BRAT1: variants seen among roughly 807,000 people sequenced by gnomAD.
BRAT1 encodes integrator complex assembly factor BRAT1.
Under a neutral mutation model 70.6 loss-of-function variants are expected in BRAT1, and 74 were observed. The observed-to-expected ratio is 1.05, with a 90% CI of 0.87 to 1.27. The LOEUF (loss-of-function observed/expected upper bound fraction) is 1.27. Ranked by LOEUF, BRAT1 falls within the 50% of genes most tolerant of loss-of-function variation. BRAT1 has a pLI of 0.00. For synonymous variants in BRAT1, 615 were observed against 517.1 expected, an observed-to-expected ratio of 1.19 and a Z score of -2.57; for missense variants, 1,203 against 1,098.2, an observed-to-expected ratio of 1.10 and a Z score of -1.35.
chr7:2,546,440 A>G (rs916377064), intron 3 of BRAT1, among the ~76,000 whole-genome samples: 8 of 151,440 alleles, frequency 5.3e-5, no homozygotes, highest in Non-Finnish European at 1.2e-4. Context: ...TCTAAAAAAC[A>G]AAACAAAAAA....
chr7:2,546,475 T>G (rs1370318652), intron 3 of BRAT1, among the ~76,000 whole-genome samples: 1 of 151,030 alleles, frequency 6.6e-6, no homozygotes, highest in Non-Finnish European at 1.5e-5. Flanking sequence ...GGCTCACGCC[T>G]GTAATCCTAG....
At position 2,543,697 on chromosome 7, in the gene BRAT1, C is replaced by T. The variant is rs1372864059; in HGVS notation, c.696G>A (p.Trp232Ter). The T allele has an allele frequency of 6.3e-7, 1 of 1,576,264 alleles. No individual in the cohort carries two copies. Among genetic ancestry groups the T allele is most frequent in the Non-Finnish European group, 8.7e-7 (1 of 1,155,370 alleles). Residue 232 changes from tryptophan to a stop codon, truncating the protein, a stop_gained, in exon 5 of 14, where the codon TGG becomes TGA. Transcript: ENST00000340611. LOFTEE classifies it high-confidence loss of function. This position sits in a 1 kb window ranked among gnomAD's most constrained non-coding sequence, Gnocchi z 5.5. Reference sequence around the variant, plus strand: ...TCAGCCGCACCCACAGGGCTTCCGTCCAGGGGCTCTGGCAGCGCCCGAAGG... The same window carrying T: ...TCAGCCGCACCCACAGGGCTTCCGTTCAGGGGCTCTGGCAGCGCCCGAAGG... The part of the protein sequence containing the change: ...TTTFGRCQSP[W>*]TEALWVRLSP...
In BRAT1 at chr7:2,537,975, GC is replaced by G; in HGVS notation, c.*93del. On this transcript the variant is annotated 3_prime_UTR_variant, in exon 14 of 14. Transcript: ENST00000340611. ...CTGGCTTCCCCAGAGGATCCACCGG[GC>G]TGGGCTGGAGCCCTGGGGCTGGCAG... The G allele has an allele frequency of 7.0e-7, 1 of 1,419,328 alleles. No individual in the cohort carries two copies. Among genetic ancestry groups the G allele is most frequent in the African/African-American group, 1.4e-5 (1 of 69,752 alleles). The allele number at this position is 1,419,328 out of a possible 1,614,324, so 87.9% of individuals were successfully genotyped here.
At chr7:2,538,816 C>G in intron 13 of BRAT1, 52 bp from the exon 14 acceptor site, 10 of 1,589,910 alleles carry the variant, frequency 6.3e-6, no homozygotes, top group South Asian at 1.1e-5. Context: ...AGGAGCGAGG[C>G]TCCCGCAACA....
At chr7:2,547,076 C>G (rs927332221) in intron 3 of BRAT1, among the ~76,000 whole-genome samples, 1 of 150,204 alleles carries the variant, frequency 6.7e-6, no homozygotes, top group African/African-American at 2.5e-5. Flanking sequence ...CTGGTCAGAG[C>G]TGGGAGCCCG....
rs768276029 is a variant in BRAT1, at chr7:2,543,506, G to T, written c.803+84C>A. ...CAGGCCATGTCCTCAGAGAGTCTCC[G>T]GCTGCCAGTGGGACATCCCTGGGCG... On this transcript the variant is annotated intron_variant, in intron 5 of 13. Transcript: ENST00000340611. The surrounding 1 kb of genome is among the most constrained non-coding windows in gnomAD (Gnocchi z 5.5). 1 of 1,485,394 alleles carries T rather than the reference G, an allele frequency of 6.7e-7. No homozygotes were observed. The highest frequency in any genetic ancestry group is 8.9e-7 in the Non-Finnish European group (1 of 1,120,802). 92.0% of individuals were successfully genotyped at this position (1,485,394 alleles called of 1,614,324 possible). A position where few individuals can be genotyped will look rare whatever the true frequency, so the allele number is the denominator to read the frequency against.
chr7:2,550,333 T>G (rs928149700), intron 2 of BRAT1, among the ~76,000 whole-genome samples: 20 of 150,606 alleles, frequency 1.3e-4, no homozygotes, highest in African/African-American at 4.9e-4. Flanking sequence ...CCGGGCGTGG[T>G]GGCGGGCTCC....
chr7:2,539,791 AG>A lies in BRAT1; in HGVS notation c.1492del (p.Leu498SerfsTer19), dbSNP rs1779001773. On this transcript the variant is annotated frameshift_variant, in exon 11 of 14. Coordinates refer to ENST00000340611, the MANE Select transcript of BRAT1 (RefSeq NM_152743.4). LOFTEE classifies it high-confidence loss of function. ...SDLGPLIPQFLRELFPVLQKR... is the reference protein window; with the variant it reads ...SDLGPLIPQFXRELFPVLQKR... ...CCTGCAAGGGGCTGCGTTACCTCTG[AG>A]GAACTGCGGGATGAGGGGGCCGAGA... The A allele has an allele frequency of 1.2e-6, 2 of 1,611,192 alleles. No individual in the cohort carries two copies. The highest frequency in any genetic ancestry group is 1.7e-6 in the Non-Finnish European group (2 of 1,178,970).
At chr7:2,541,208 A>C (rs1216708190) in intron 9 of BRAT1, 90 bp downstream of exon 9, 1 of 1,454,220 alleles carries the variant, frequency 6.9e-7, no homozygotes, top group Non-Finnish European at 9.2e-7. Flanking sequence ...AGAAACAGAG[A>C]GGGACAGCAG....
rs753283767 is a variant in BRAT1, at chr7:2,538,796, G to A, written c.1771-32C>T. On this transcript the variant is annotated intron_variant, in intron 13 of 13. Coordinates refer to ENST00000340611, the MANE Select transcript of BRAT1 (RefSeq NM_152743.4). The stretch of plus-strand genomic sequence containing the variant: ...GACAGGGAGCAAGTGCGGATGGTTG[G>A]TGGGGTGGCAGGAGCGAGGCTCCCG... The A allele has an allele frequency of 1.1e-4, 172 of 1,596,742 alleles. No individual in the cohort carries two copies. The highest frequency in any genetic ancestry group is 1.3e-4 in the Non-Finnish European group (156 of 1,179,232).
At position 2,541,102 on chromosome 7, in the gene BRAT1, C is replaced by G. The variant is rs1238786803; in HGVS notation, c.1322-50G>C. The G allele has an allele frequency of 1.5e-5, 23 of 1,494,644 alleles. No homozygotes were observed. The Admixed American group carries it at 6.2e-4, about 40-fold the overall frequency. 92.6% of individuals were successfully genotyped at this position (1,494,644 alleles called of 1,614,324 possible). ...CCACCCCCACCCCCACCCTAGGACC[C>G]TCCCCATCAACTCTGGGAAGGAGCA... On this transcript the variant is annotated intron_variant, in intron 9 of 13. Transcript: ENST00000340611.
At position 2,538,896 on chromosome 7, in the gene BRAT1, C is replaced by T. The variant is rs1473464429; in HGVS notation, c.1771-132G>A. The T allele has an allele frequency of 2.7e-5, 40 of 1,487,842 alleles. No homozygotes were observed. The Admixed American group carries it at 4.1e-4, about 15-fold the overall frequency. 92.2% of individuals were successfully genotyped at this position (1,487,842 alleles called of 1,614,324 possible). On this transcript the variant is annotated intron_variant, in intron 13 of 13. Coordinates refer to ENST00000340611, the MANE Select transcript of BRAT1 (RefSeq NM_152743.4). ...GGGCCACAGCCCGCTCTGACACCTTCCCATGCTGCGCAGTGAGCACACGGC... is the reference window on the plus strand; with the variant it reads ...GGGCCACAGCCCGCTCTGACACCTTTCCATGCTGCGCAGTGAGCACACGGC...
At chr7:2,545,496 C>CTTCTTTTTTT (rs1554296640) in intron 3 of BRAT1, among the ~76,000 whole-genome samples, 1 of 130,026 alleles carries the variant, frequency 7.7e-6, no homozygotes, top group African/African-American at 3.0e-5. Context: ...CTTTCTTCTT[C>CTTCTTTTTTT]TTTTTTTTTT....
At chr7:2,554,503 C>T (rs1313718782) in intron 1 of BRAT1, 56 bp from the exon 2 acceptor site, 1 of 1,531,874 alleles carries the variant, frequency 6.5e-7, no homozygotes, top group Non-Finnish European at 8.8e-7. Flanking sequence ...CCAGCTCGCT[C>T]TAGTCACAGC....
intron 2 of BRAT1, 140 bp downstream of exon 2, chr7:2,554,165 G>C (rs890288722): frequency 8.5e-7 from 1 of 1,180,592 alleles, no homozygotes; most frequent in African/African-American, 1.5e-5. Context: ...ATAATCCTTA[G>C]GAAGTGAAGG....
At chr7:2,540,851 G>C in intron 10 of BRAT1, 128 bp downstream of exon 10, 1 of 1,001,608 alleles carries the variant, frequency 1.0e-6, no homozygotes, top group Non-Finnish European at 1.4e-6. Context: ...AGCTCTCTGA[G>C]CAGCAGCTCT....
chr7:2,546,126 T>C (rs1353750824), intron 3 of BRAT1, among the ~76,000 whole-genome samples: 2 of 152,218 alleles, frequency 1.3e-5, no homozygotes, highest in African/African-American at 4.8e-5. Context: ...TGGGAGGCTC[T>C]CGAGCTCTCA....
At position 2,554,315 on chromosome 7, in the gene BRAT1, G is replaced by A. The variant is rs770566518; in HGVS notation, c.117C>T (p.Val39=). 1.2e-6 allele frequency: 2 copies of A among 1,613,646 alleles called. No individual in the cohort carries two copies. Among genetic ancestry groups the A allele is most frequent in the Non-Finnish European group, 1.7e-6 (2 of 1,179,754 alleles). The change falls in exon 2 of 14, where the codon GTC becomes GTT. Residue 39 remains valine (V), a synonymous_variant. Transcript: ENST00000340611. ...GCACCACCTCCTTACCTCCTTCAGTGACCGTTTTAAACCAGTCCAGGAGCT... is the reference window on the plus strand; with the variant it reads ...GCACCACCTCCTTACCTCCTTCAGTAACCGTTTTAAACCAGTCCAGGAGCT... The part of the protein sequence containing the change: ...LEKLLDWFKT[V]TEGESSVVLL...
chr7:2,542,352 C>T (rs1274659165), intron 6 of BRAT1, 141 bp from the exon 7 acceptor site: 4 of 709,524 alleles, frequency 5.6e-6, no homozygotes, highest in African/African-American at 1.8e-5. Flanking sequence ...AGGCCACTGG[C>T]CAGGGGATGC....
Sources: allele counts gnomAD v4.1 joint callset (sites outside exome capture counted in the v4.1 genomes callset), GRCh38; gene constraint gnomAD v4.1.1; non-coding constraint Gnocchi (gnomAD v3.1); transcripts MANE v1.5; gene names NCBI Gene and HGNC (gene_info 2026-07-23, HGNC 2026-07-21).